Variants in VPS50 observed in about 807,000 individuals in gnomAD.
VPS50 encodes the protein syndetin.
Under a neutral mutation model 139.7 loss-of-function variants are expected in VPS50, and 70 were observed. The ratio of observed to expected loss-of-function variants is 0.50; its 90% CI spans 0.41 to 0.61. The LOEUF (loss-of-function observed/expected upper bound fraction) is 0.61. Among genes scored for constraint, VPS50 ranks in the 20% least tolerant of loss-of-function variants. The pLI, the probability that VPS50 is intolerant of heterozygous loss-of-function variation, is 0.00. For synonymous variants in VPS50, 365 were observed against 376.7 expected, an observed-to-expected ratio of 0.97 and a Z score of 0.36; for missense variants, 921 against 1,133.7, an observed-to-expected ratio of 0.81 and a Z score of 2.69.
rs542830030 is a variant in VPS50, at chr7:93,240,247, A to ACTCT, written c.102+314_102+315insTCTC. Among the ~76,000 whole-genome samples, 285 of 144,074 alleles carry ACTCT rather than the reference A, an allele frequency of 2.0e-3. 1 individual carries two copies. Among genetic ancestry groups the ACTCT allele is most frequent in the Middle Eastern group, 3.6e-3 (1 of 274 alleles). 94.5% of individuals were successfully genotyped at this position (144,074 alleles called of 152,430 possible). A position where few individuals can be genotyped will look rare whatever the true frequency, so the allele number is the denominator to read the frequency against. ...CACACACACACACACACACACACAC[A>ACTCT]CACTCTCTCTCTCTCTCTCTCTCAT... On this transcript the variant is annotated intron_variant, in intron 2 of 27. Transcript: ENST00000305866.
intron 1 of VPS50, 60 bp downstream of exon 1, chr7:93,232,560 T>G (rs1794665752): frequency 7.0e-7 from 1 of 1,432,242 alleles, no homozygotes; most frequent in Admixed American, 1.7e-5. Flanking sequence ...GGAGCCGAGA[T>G]GTTCTGTCCC....
chr7:93,350,255 T>G (rs1368819715), intron 25 of VPS50, among the ~76,000 whole-genome samples: 1 of 152,232 alleles, frequency 6.6e-6, no homozygotes, highest in East Asian at 1.9e-4. Flanking sequence ...ATTTCCCATT[T>G]TGAGTTGTTG....
At position 93,291,687 on chromosome 7, in the gene VPS50, T is replaced by C. The variant is rs780637728; in HGVS notation, c.943-16T>C. The C allele has an allele frequency of 1.5e-5, 22 of 1,433,298 alleles. No individual in the cohort carries two copies. The highest frequency in any genetic ancestry group is 2.1e-5 in the Non-Finnish European group (22 of 1,066,678). The allele number at this position is 1,433,298 out of a possible 1,614,324, so 88.8% of individuals were successfully genotyped here. A position where few individuals can be genotyped will look rare whatever the true frequency, so the allele number is the denominator to read the frequency against. On this transcript the variant is annotated splice_polypyrimidine_tract_variant and intron_variant, in intron 12 of 27. Transcript: ENST00000305866. ...AACATAATAATTTGAAAGTTGTCTC[T>C]TATCATTTTCTTTAGCATGTTACAC...
intron 12 of VPS50, among the ~76,000 whole-genome samples, chr7:93,282,567 C>T (rs1177910669): frequency 6.6e-6 from 1 of 152,132 alleles, no homozygotes; most frequent in Non-Finnish European, 1.5e-5. Flanking sequence ...TATCCCTTTC[C>T]CTGAGCACAT....
At chr7:93,326,125 T>G (rs982882036) in intron 21 of VPS50, among the ~76,000 whole-genome samples, 369 of 151,844 alleles carry the variant, frequency 2.4e-3, no homozygotes, top group Middle Eastern at 0.02. Flanking sequence ...CCATAAAAAA[T>G]GATGAGTTCA....
At chr7:93,262,835 C>CACTTCACCTGTTGTTTCACTCTTTT in intron 9 of VPS50, among the ~76,000 whole-genome samples, 1 of 152,154 alleles carries the variant, frequency 6.6e-6, no homozygotes, top group South Asian at 2.1e-4. Flanking sequence ...TTCCCTCTTT[C>CACTTCACCTGTTGTTTCACTCTTTT]ACTTCACCTG....
chr7:93,245,693 G>T (rs1055117653), intron 2 of VPS50, among the ~76,000 whole-genome samples: 1 of 151,704 alleles, frequency 6.6e-6, no homozygotes, highest in African/African-American at 2.4e-5. Flanking sequence ...TTTTTAAATT[G>T]TAACTTCAAC....
intron 11 of VPS50, 51 bp from the exon 12 acceptor site, chr7:93,276,114 T>C: frequency 6.8e-7 from 1 of 1,475,498 alleles, no homozygotes; most frequent in Non-Finnish European, 9.1e-7. Flanking sequence ...TGTTGAAATT[T>C]ATTTATTTTA....
chr7:93,317,313 G>A (rs1005689650), intron 20 of VPS50, among the ~76,000 whole-genome samples: 3 of 152,158 alleles, frequency 2.0e-5, no homozygotes, highest in African/African-American at 7.2e-5. Context: ...ACTTTGGGAG[G>A]CCAAGACAGA....
At chr7:93,319,753 C>G (rs1797544526) in intron 20 of VPS50, among the ~76,000 whole-genome samples, 1 of 151,932 alleles carries the variant, frequency 6.6e-6, no homozygotes, top group African/African-American at 2.4e-5. Context: ...TGATAATTTC[C>G]ACCTCTGTAT....
intron 1 of VPS50, among the ~76,000 whole-genome samples, chr7:93,234,494 A>G (rs1794740219): frequency 6.6e-6 from 1 of 152,204 alleles, no homozygotes; most frequent in Admixed American, 6.5e-5. Flanking sequence ...ATTTAAAGTT[A>G]TCCTAATTAT....
intron 25 of VPS50, among the ~76,000 whole-genome samples, chr7:93,350,507 C>T (rs114234116): frequency 0.017 from 2,537 of 151,888 alleles, 87 homozygotes; most frequent in African/African-American, 0.058. Flanking sequence ...GGTTTTTTTT[C>T]ATTGATGCAT....
chr7:93,350,307 A>T (rs1479182316), intron 25 of VPS50, among the ~76,000 whole-genome samples: 2 of 152,196 alleles, frequency 1.3e-5, no homozygotes, highest in African/African-American at 4.8e-5. Flanking sequence ...CTCAGTAGCC[A>T]TCACTATAAT....
intron 1 of VPS50, among the ~76,000 whole-genome samples, chr7:93,238,603 T>C (rs910582785): frequency 7.9e-5 from 12 of 152,128 alleles, no homozygotes; most frequent in Non-Finnish European, 2.9e-5. Context: ...CTTACTGAGG[T>C]ATTGTTTTGG....
At chr7:93,333,794 T>C in intron 21 of VPS50, 1 of 299,480 alleles carries the variant, frequency 3.3e-6, no homozygotes, top group Non-Finnish European at 6.2e-6. Flanking sequence ...TACAACAGAG[T>C]GTAATATGTT....
intron 21 of VPS50, among the ~76,000 whole-genome samples, chr7:93,325,111 G>A (rs1797731104): frequency 6.6e-6 from 1 of 152,002 alleles, no homozygotes; most frequent in South Asian, 2.1e-4. Context: ...TAGATCAATG[G>A]AACAGAACAG....
intron 2 of VPS50, among the ~76,000 whole-genome samples, chr7:93,251,442 G>T (rs957276235): frequency 6.7e-6 from 1 of 149,186 alleles, no homozygotes; most frequent in Non-Finnish European, 1.5e-5. Flanking sequence ...ACCAAACACT[G>T]CATGTTCTCA....
rs530924231 is a variant in VPS50, at chr7:93,264,947, A to G, written c.659+5315A>G. 2.6e-5 allele frequency among the ~76,000 whole-genome samples: 4 copies of G among 152,208 alleles called. No individual in the cohort carries two copies. The South Asian group carries it at 6.2e-4, about 24-fold the overall frequency. On this transcript the variant is annotated intron_variant, in intron 9 of 27. Coordinates refer to ENST00000305866, the MANE Select transcript of VPS50 (RefSeq NM_017667.4). The stretch of plus-strand genomic sequence containing the variant: ...ATAACACCTGCACTCCTCATCTTCT[A>G]TTTTAACTTGTTTTTCTCTGCCTCC...
chr7:93,317,130 A>G lies in VPS50; in HGVS notation c.1855+5858A>G, dbSNP rs187353938. ...GGTGAAGCAGAGGTCTTGAAAACCA[A>G]GGCATGAGGGCCTATCAAGAAGAAA... On this transcript the variant is annotated intron_variant, in intron 20 of 27. Coordinates refer to ENST00000305866, the MANE Select transcript of VPS50 (RefSeq NM_017667.4). Among the ~76,000 whole-genome samples, 15 of 152,330 alleles carry G rather than the reference A, an allele frequency of 9.8e-5. No homozygotes were observed. In the East Asian group the frequency reaches 2.9e-3, roughly 29 times the overall value.
Sources: gnomAD v4.1 joint callset for allele counts (sites outside exome capture counted in the v4.1 genomes callset) on GRCh38, gnomAD v4.1.1 for gene constraint, MANE v1.5 for transcripts, NCBI Gene and HGNC (gene_info 2026-07-23, HGNC 2026-07-21) for gene names.